Variants in ZNF32 observed in about 807,000 individuals in gnomAD.
ZNF32 encodes zinc finger protein 32, also known as C2H2-546.
Under a neutral mutation model 24.4 loss-of-function variants are expected in ZNF32, and 13 were observed. The observed-to-expected ratio is 0.53, with a 90% CI of 0.35 to 0.85. The LOEUF (loss-of-function observed/expected upper bound fraction) is 0.85. ZNF32 is among the 40% of genes least tolerant of loss of function. ZNF32 has a pLI of 0.01. For missense variants in ZNF32, 239 were observed against 325.3 expected, an observed-to-expected ratio of 0.73 and a Z score of 2.04; for synonymous variants, 115 against 117.4, an observed-to-expected ratio of 0.98 and a Z score of 0.13.
intron 1 of ZNF32, chr10:43,648,076 C>T (rs957454672): frequency 6.6e-6 from 1 of 152,216 alleles, no homozygotes; most frequent in Non-Finnish European, 1.5e-5. Flanking sequence ...GTCTTGGCTT[C>T]TTGCCGTGGC....
chr10:43,648,143 C>T (rs927996427), intron 1 of ZNF32: 4 of 152,158 alleles, frequency 2.6e-5, no homozygotes, highest in Non-Finnish European at 5.9e-5. Flanking sequence ...TGCTTCCCCA[C>T]TTATTAAACA....
rs1213594493 is a variant in ZNF32, at chr10:43,646,092, T to C, written c.42A>G (p.Gly14=). ...AGAACGCTACATTCTGGGCATATCTTCCATGACAGTCCAGCAGGGTAGCTG... is the reference window on the plus strand; with the variant it reads ...AGAACGCTACATTCTGGGCATATCTCCCATGACAGTCCAGCAGGGTAGCTG... The part of the protein sequence containing the change: ...FPTATLLDCH[G]RYAQNVAFFN... The change falls in exon 2 of 3, where the codon GGA becomes GGG. Residue 14 remains glycine, a synonymous_variant. Coordinates refer to ENST00000374433, the MANE Select transcript of ZNF32 (RefSeq NM_006973.3). 1 of 1,614,160 alleles carries C rather than the reference T, an allele frequency of 6.2e-7. No individual in the cohort carries two copies. The highest frequency in any genetic ancestry group is 8.5e-7 in the Non-Finnish European group (1 of 1,180,014).
intron 2 of ZNF32, chr10:43,645,815 T>G: frequency 9.8e-6 from 6 of 613,724 alleles, no homozygotes; most frequent in Non-Finnish European, 1.4e-5. Context: ...GAGACAGTGC[T>G]GAGATTTAAG....
At position 43,644,528 on chromosome 10, in the gene ZNF32, C is replaced by A. The variant is rs1480980090; in HGVS notation, c.344G>T (p.Arg115Met). 6.2e-7 allele frequency: 1 copy of A among 1,614,146 alleles called. No individual in the cohort carries two copies. Among genetic ancestry groups the A allele is most frequent in the Non-Finnish European group, 8.5e-7 (1 of 1,180,024 alleles). Residue 115 changes from arginine to methionine, a missense_variant, in exon 3 of 3, where the codon AGG (arginine) becomes ATG (methionine). Coordinates refer to ENST00000374433, the MANE Select transcript of ZNF32 (RefSeq NM_006973.3). The surrounding 1 kb of genome is among the most constrained non-coding windows in gnomAD (Gnocchi z 5.3). ...FECTHCGKSF[R>M]AKGNLVTHQR... ...ATGTGTAACAAGATTGCCTTTGGCC[C>A]TGAAGCTTTTTCCACAGTGGGTGCA...
At position 43,646,158 on chromosome 10, in the gene ZNF32, TCAC is replaced by T; in HGVS notation, c.-28_-26del. The T allele has an allele frequency of 1.2e-6, 2 of 1,613,546 alleles. No individual in the cohort carries two copies. Among genetic ancestry groups the T allele is most frequent in the Non-Finnish European group, 1.7e-6 (2 of 1,179,690 alleles). ...TGTCCACTCCTGCTTACGACCTCAG[TCAC>T]CACCTCTTCATATGATTCTTCCATG... On this transcript the variant is annotated 5_prime_UTR_variant, in exon 2 of 3. It introduces an in-frame stop codon into an upstream open reading frame of the 5' UTR. Transcript: ENST00000374433.
At chr10:43,645,681 G>C (rs138626616) in intron 2 of ZNF32, among the ~76,000 whole-genome samples, 1 of 150,332 alleles carries the variant, frequency 6.7e-6, no homozygotes, top group East Asian at 1.9e-4. Flanking sequence ...TTTTTTTTCC[G>C]AATACTGCCC....
chr10:43,645,626 A>C (rs1243397307), intron 2 of ZNF32, among the ~76,000 whole-genome samples: 3 of 152,194 alleles, frequency 2.0e-5, no homozygotes, highest in African/African-American at 7.2e-5. Flanking sequence ...GCAAAACTGA[A>C]ATCAATTTTG....
At position 43,644,883 on chromosome 10, in the gene ZNF32, G is replaced by A; in HGVS notation, c.71-82C>T. The A allele has an allele frequency of 6.9e-7, 1 of 1,454,448 alleles. No individual in the cohort carries two copies. The highest frequency in any genetic ancestry group is 9.2e-7 in the Non-Finnish European group (1 of 1,083,258). The allele number at this position is 1,454,448 out of a possible 1,614,324, so 90.1% of individuals were successfully genotyped here. A position where few individuals can be genotyped will look rare whatever the true frequency, so the allele number is the denominator to read the frequency against. ...GGGAAAAAGAAACATAATACTTTGA[G>A]TGCTTATGATGTGCCAGGCCTTATT... On this transcript the variant is annotated intron_variant, in intron 2 of 2. Transcript: ENST00000374433. This position sits in a 1 kb window ranked among gnomAD's most constrained non-coding sequence, Gnocchi z 5.3.
chr10:43,646,255 T>G, intron 1 of ZNF32, 53 bp from the exon 2 acceptor site: 1 of 1,094,728 alleles, frequency 9.1e-7, no homozygotes, highest in Non-Finnish European at 1.3e-6. Flanking sequence ...ATAATTGATA[T>G]GTGAGAAGGA....
Position 43,646,126 on chromosome 10 carries a change from C to T in ZNF32, c.8G>A (p.Gly3Glu). The T allele has an allele frequency of 6.2e-7, 1 of 1,614,136 alleles. No individual in the cohort carries two copies. The highest frequency in any genetic ancestry group is 1.7e-5 in the Admixed American group (1 of 60,020). The change falls in exon 2 of 3, where the codon GGA (glycine) becomes GAA (glutamate). Residue 3 changes from glycine to glutamate, a missense_variant. Transcript: ENST00000374433. MF[G>E]FPTATLLDCH... ...GTCCAGCAGGGTAGCTGTTGGAAATCCAAACATGTCCACTCCTGCTTACGA... is the reference window on the plus strand; with the variant it reads ...GTCCAGCAGGGTAGCTGTTGGAAATTCAAACATGTCCACTCCTGCTTACGA...
At chr10:43,645,666 G>A (rs1027211627) in intron 2 of ZNF32, among the ~76,000 whole-genome samples, 6 of 152,052 alleles carry the variant, frequency 3.9e-5, no homozygotes, top group African/African-American at 1.2e-4. Context: ...TGCAGATATT[G>A]ACTTTTTTTT....
rs1182726080 is a variant in ZNF32, at chr10:43,643,948, C to T, written c.*102G>A. On this transcript the variant is annotated 3_prime_UTR_variant, in exon 3 of 3. Transcript: ENST00000374433. ...TTTGCCCTACCCAATGATGGTCTTT[C>T]TGAAAGATTCTCCATTCATTCCATA... 1 of 1,325,406 alleles carries T rather than the reference C, an allele frequency of 7.5e-7. No individual in the cohort carries two copies. The highest frequency in any genetic ancestry group is 2.5e-5 in the East Asian group (1 of 40,568). 82.1% of individuals were successfully genotyped at this position (1,325,406 alleles called of 1,614,324 possible).
Position 43,644,136 on chromosome 10 carries a change from G to C in ZNF32, c.736C>G (p.Leu246Val). The part of the protein sequence containing the change: ...GKIHTGETPY[L>V]CGQCGKSFTQ... ...AAGCTTTTTCCACACTGGCCGCACA[G>C]ATAGGGTGTCTCTCCTGTGTGGATT... The change falls in exon 3 of 3, where the codon CTG (leucine) becomes GTG (valine). Residue 246 changes from leucine to valine, a missense_variant. Coordinates refer to ENST00000374433, the MANE Select transcript of ZNF32 (RefSeq NM_006973.3). This position sits in a 1 kb window ranked among gnomAD's most constrained non-coding sequence, Gnocchi z 5.3. 1 of 1,614,228 alleles carries C rather than the reference G, an allele frequency of 6.2e-7. No individual in the cohort carries two copies. The highest frequency in any genetic ancestry group is 8.5e-7 in the Non-Finnish European group (1 of 1,180,044).
intron 1 of ZNF32, among the ~76,000 whole-genome samples, chr10:43,648,205 CAA>C (rs1313251751): frequency 6.6e-6 from 1 of 152,158 alleles, no homozygotes; most frequent in Non-Finnish European, 1.5e-5. Context: ...AAGAACCAAA[CAA>C]GAGGAGTATC....
chr10:43,647,154 A>T (rs10751329), intron 1 of ZNF32: 48,025 of 151,940 alleles, frequency 0.32, 7,909 homozygotes, highest in East Asian at 0.53. Flanking sequence ...GTGACTTTGA[A>T]CTCCTGGACT....
In ZNF32 at chr10:43,644,453, T is replaced by G. The variant is rs1382217236; in HGVS notation, c.419A>C (p.Lys140Thr). Reference sequence around the variant, plus strand: ...GAGACTACCTCGTTGACTGAAGCTTTTCCCACACTCCTTGCACTGATAAGG... The same window carrying G: ...GAGACTACCTCGTTGACTGAAGCTTGTCCCACACTCCTTGCACTGATAAGG... ...EKPYQCKECG[K>T]SFSQRGSLAV... Residue 140 changes from lysine to threonine, a missense_variant, in exon 3 of 3, where the codon AAA becomes ACA. By Grantham distance (78) the Lys-to-Thr change is moderately conservative. Coordinates refer to ENST00000374433, the MANE Select transcript of ZNF32 (RefSeq NM_006973.3). This position sits in a 1 kb window ranked among gnomAD's most constrained non-coding sequence, Gnocchi z 5.3. The G allele has an allele frequency of 6.2e-7, 1 of 1,614,218 alleles. No individual in the cohort carries two copies. Among genetic ancestry groups the G allele is most frequent in the South Asian group, 1.1e-5 (1 of 91,080 alleles).
At position 43,646,366 on chromosome 10, in the gene ZNF32, A is replaced by G. The variant is rs1839288095; in HGVS notation, c.-69-164T>C. ...ATCACTGCAAAATGGGCCCAAAGGT[A>G]CCAGGACCACACACAAATGAGTCTA... is the stretch of plus-strand genomic sequence containing the variant. On this transcript the variant is annotated intron_variant, in intron 1 of 2. Transcript: ENST00000374433. 3 of 507,350 alleles carry G rather than the reference A, an allele frequency of 5.9e-6. No individual in the cohort carries two copies. In the Admixed American group the frequency reaches 1.0e-4, roughly 17 times the overall value. 31.4% of individuals were successfully genotyped at this position (507,350 alleles called of 1,614,324 possible). A position where few individuals can be genotyped will look rare whatever the true frequency, so the allele number is the denominator to read the frequency against.
At position 43,643,969 on chromosome 10, in the gene ZNF32, C is replaced by G; in HGVS notation, c.*81G>C. ...CTTTCTGAAAGATTCTCCATTCATT[C>G]CATAGAACTGGATAGGTTGCTTCAT... is the stretch of plus-strand genomic sequence containing the variant. On this transcript the variant is annotated 3_prime_UTR_variant, in exon 3 of 3. Transcript: ENST00000374433. 2.1e-6 allele frequency: 3 copies of G among 1,431,306 alleles called. No homozygotes were observed. Among genetic ancestry groups the G allele is most frequent in the South Asian group, 2.9e-5 (2 of 68,908 alleles). The allele number at this position is 1,431,306 out of a possible 1,614,324, so 88.7% of individuals were successfully genotyped here.
intron 2 of ZNF32, among the ~76,000 whole-genome samples, chr10:43,645,763 T>C (rs1839265549): frequency 6.6e-6 from 1 of 152,190 alleles, no homozygotes; most frequent in South Asian, 2.1e-4. Flanking sequence ...TTGGTGTCTG[T>C]CACTCCAGGG....
Sources: gnomAD v4.1 joint callset for allele counts (sites outside exome capture counted in the v4.1 genomes callset) on GRCh38, gnomAD v4.1.1 for gene constraint, Gnocchi (gnomAD v3.1) non-coding constraint, MANE v1.5 for transcripts, NCBI Gene and HGNC (gene_info 2026-07-23, HGNC 2026-07-21) for gene names.